The following PIN1 variants were observed in gnomAD, a reference collection of about 807,000 sequenced individuals.
The protein encoded by PIN1 is peptidylprolyl cis/trans isomerase, NIMA-interacting 1.
PIN1 carries 8 observed loss-of-function variants against 19.9 expected under a neutral mutation model. The ratio of observed to expected loss-of-function variants is 0.40; its 90% CI spans 0.24 to 0.72. PIN1 has a LOEUF of 0.72. Among genes scored for constraint, PIN1 ranks in the 30% least tolerant of loss-of-function variants. PIN1 has a pLI of 0.37. For synonymous variants in PIN1, 86 were observed against 90.8 expected, an observed-to-expected ratio of 0.95 and a Z score of 0.30; for missense variants, 185 against 226.5, an observed-to-expected ratio of 0.82 and a Z score of 1.18.
chr19:9,836,911 T>C, intron 1 of PIN1: 6 of 1,167,368 alleles, frequency 5.1e-6, no homozygotes, highest in Non-Finnish European at 6.8e-6. Context: ...ACAATAGAGA[T>C]AATAAAGGCT....
chr19:9,846,326 G>A lies in PIN1; in HGVS notation c.272-1704G>A, dbSNP rs1396201507. Among the ~76,000 whole-genome samples the A allele has an allele frequency of 2.0e-5, 3 of 152,288 alleles. No individual in the cohort carries two copies. The East Asian group carries it at 5.8e-4, about 29-fold the overall frequency. On this transcript the variant is annotated intron_variant, in intron 2 of 3. Transcript: ENST00000247970. The surrounding 1 kb of genome is among the most constrained non-coding windows in gnomAD (Gnocchi z 5.9). ...GCAGTAGAGGCTGCGTCATCCCTGGGATGCAGTCCCCATGGAGGGGAAGAA... is the reference window on the plus strand; with the variant it reads ...GCAGTAGAGGCTGCGTCATCCCTGGAATGCAGTCCCCATGGAGGGGAAGAA...
chr19:9,848,055 AGAG>A lies in PIN1; in HGVS notation c.303_305del (p.Glu101del). On this transcript the variant is annotated inframe_deletion, in exon 3 of 4. Coordinates refer to ENST00000247970, the MANE Select transcript of PIN1 (RefSeq NM_006221.4). ...GCTACATCCAGAAGATCAAGTCGGG[AGAG>A]GAGGACTTTGAGTCTCTGGCCTCAC... The A allele has an allele frequency of 6.2e-7, 1 of 1,612,210 alleles. No individual in the cohort carries two copies. Among genetic ancestry groups the A allele is most frequent in the South Asian group, 1.1e-5 (1 of 91,032 alleles).
Position 9,849,072 on chromosome 19 carries a change from G to C in PIN1, c.383-18G>C. 1.3e-6 allele frequency: 2 copies of C among 1,576,072 alleles called. No individual in the cohort carries two copies. The highest frequency in any genetic ancestry group is 1.7e-6 in the Non-Finnish European group (2 of 1,146,696). On this transcript the variant is annotated intron_variant, in intron 3 of 3. Coordinates refer to ENST00000247970, the MANE Select transcript of PIN1 (RefSeq NM_006221.4). ...CCAGCCCAGCCCTGACACCCCCACC[G>C]CCCCTCCTGGCTCCCAGGTCAGATG...
chr19:9,842,151 C>T (rs531334342), intron 2 of PIN1, among the ~76,000 whole-genome samples: 4 of 152,138 alleles, frequency 2.6e-5, no homozygotes, highest in African/African-American at 9.6e-5. Context: ...GAGCAAGAGG[C>T]GGTGTGACTT....
chr19:9,843,663 C>A (rs753943268), intron 2 of PIN1, among the ~76,000 whole-genome samples: 10 of 152,204 alleles, frequency 6.6e-5, no homozygotes, highest in South Asian at 2.1e-4. Flanking sequence ...GGCTTGTAGA[C>A]GGCTGCCCTC....
chr19:9,838,340 C>A lies in PIN1; in HGVS notation c.59-96C>A. On this transcript the variant is annotated intron_variant, in intron 1 of 3. Coordinates refer to ENST00000247970, the MANE Select transcript of PIN1 (RefSeq NM_006221.4). The surrounding 1 kb of genome is among the most constrained non-coding windows in gnomAD (Gnocchi z 5.8). ...TGGATTTGTTGAATGAAGGCGCCCCCTGCAAGCCAGGCCCTCACCCTGGCT... is the reference window on the plus strand; with the variant it reads ...TGGATTTGTTGAATGAAGGCGCCCCATGCAAGCCAGGCCCTCACCCTGGCT... The A allele has an allele frequency of 1.0e-6, 1 of 973,474 alleles. No individual in the cohort carries two copies. The highest frequency in any genetic ancestry group is 1.6e-6 in the Non-Finnish European group (1 of 621,374). The allele number at this position is 973,474 out of a possible 1,614,324, so 60.3% of individuals were successfully genotyped here. A position where few individuals can be genotyped will look rare whatever the true frequency, so the allele number is the denominator to read the frequency against.
At chr19:9,848,965 G>T in intron 3 of PIN1, 125 bp from the exon 4 acceptor site, 1 of 668,866 alleles carries the variant, frequency 1.5e-6, no homozygotes, top group East Asian at 2.7e-5. Context: ...TGACGGATGA[G>T]TGTGGACGAG....
At chr19:9,844,826 C>G (rs1014239256) in intron 2 of PIN1, among the ~76,000 whole-genome samples, 28 of 152,348 alleles carry the variant, frequency 1.8e-4, no homozygotes, top group Admixed American at 7.8e-4. Flanking sequence ...AGATCCCTGT[C>G]TCCCTCCTTC....
chr19:9,847,606 G>A (rs1240034968), intron 2 of PIN1, among the ~76,000 whole-genome samples: 1 of 152,212 alleles, frequency 6.6e-6, no homozygotes, highest in East Asian at 1.9e-4. Context: ...GGCCCGGGGG[G>A]CCAGCCCCCT....
intron 1 of PIN1, chr19:9,837,278 C>T (rs955172714): frequency 7.6e-5 from 13 of 170,912 alleles, no homozygotes; most frequent in East Asian, 5.1e-4. Context: ...CTCAGCCTCC[C>T]GAGTAGCTGG....
In PIN1 at chr19:9,848,019, C is replaced by G; in HGVS notation, c.272-11C>G. The G allele has an allele frequency of 1.3e-6, 2 of 1,575,616 alleles. No homozygotes were observed. The highest frequency in any genetic ancestry group is 1.7e-6 in the Non-Finnish European group (2 of 1,145,352). Reference sequence around the variant, plus strand: ...CTGACCTGGCACTCCCATTCCGTTCCATGTCCACAGGCTACATCCAGAAGA... The same window carrying G: ...CTGACCTGGCACTCCCATTCCGTTCGATGTCCACAGGCTACATCCAGAAGA... On this transcript the variant is annotated splice_polypyrimidine_tract_variant and intron_variant, in intron 2 of 3. Coordinates refer to ENST00000247970, the MANE Select transcript of PIN1 (RefSeq NM_006221.4).
chr19:9,836,223 A>C (rs1036245223), intron 1 of PIN1: 3 of 152,604 alleles, frequency 2.0e-5, no homozygotes, highest in African/African-American at 7.2e-5. Context: ...TCTAGAGCCC[A>C]TAGCAATCGC....
chr19:9,844,654 G>A (rs1207834404), intron 2 of PIN1, among the ~76,000 whole-genome samples: 1 of 152,204 alleles, frequency 6.6e-6, no homozygotes, highest in Non-Finnish European at 1.5e-5. Flanking sequence ...TGGGGCTCCA[G>A]CACCCGACAG....
At chr19:9,847,141 C>T (rs891592562) in intron 2 of PIN1, among the ~76,000 whole-genome samples, 1 of 152,152 alleles carries the variant, frequency 6.6e-6, no homozygotes, top group African/African-American at 2.4e-5. Context: ...ACTGCATACA[C>T]ACACTTGCTC....
chr19:9,838,550 C>G lies in PIN1; in HGVS notation c.173C>G (p.Ser58Trp). The G allele has an allele frequency of 6.3e-7, 1 of 1,585,174 alleles. No homozygotes were observed. Among genetic ancestry groups the G allele is most frequent in the South Asian group, 1.2e-5 (1 of 86,882 alleles). ...GQGEPARVRC[S>W]HLLVKHSQSR... ...GGGGAGCCTGCCAGGGTCCGCTGCTCGCACCTGCTGGTGAAGCACAGCCAG... is the reference window on the plus strand; with the variant it reads ...GGGGAGCCTGCCAGGGTCCGCTGCTGGCACCTGCTGGTGAAGCACAGCCAG... Residue 58 changes from serine (S) to tryptophan (W), a missense_variant, in exon 2 of 4, where the codon TCG becomes TGG. Coordinates refer to ENST00000247970, the MANE Select transcript of PIN1 (RefSeq NM_006221.4). The surrounding 1 kb of genome is among the most constrained non-coding windows in gnomAD (Gnocchi z 5.8).
intron 1 of PIN1, chr19:9,836,820 CAG>C: frequency 7.8e-7 from 1 of 1,286,770 alleles, no homozygotes; most frequent in Non-Finnish European, 1.0e-6. Flanking sequence ...GTGCCTGGAA[CAG>C]AGTAAACACT....
rs2046219669 is a variant in PIN1 at position 9,846,310 on chromosome 19, G to A, written c.272-1720G>A. 6.6e-6 allele frequency among the ~76,000 whole-genome samples: 1 copy of A among 152,220 alleles called. No individual in the cohort carries two copies. Among genetic ancestry groups the A allele is most frequent in the Non-Finnish European group, 1.5e-5 (1 of 68,046 alleles). On this transcript the variant is annotated intron_variant, in intron 2 of 3. Coordinates refer to ENST00000247970, the MANE Select transcript of PIN1 (RefSeq NM_006221.4). The surrounding 1 kb of genome is among the most constrained non-coding windows in gnomAD (Gnocchi z 5.9). ...GGATAGGGAGAGCAGAGCAGTAGAG[G>A]CTGCGTCATCCCTGGGATGCAGTCC... is the stretch of plus-strand genomic sequence containing the variant.
At chr19:9,847,096 G>A (rs1421809213) in intron 2 of PIN1, among the ~76,000 whole-genome samples, 5 of 152,092 alleles carry the variant, frequency 3.3e-5, no homozygotes, top group Non-Finnish European at 5.9e-5. Context: ...TCAGGAAGGC[G>A]GTAGCCATTC....
Position 9,849,673 on chromosome 19 carries a change from C to T in PIN1, c.*474C>T, listed in dbSNP as rs775438484. Reference sequence around the variant, plus strand: ...GCACCCTTTCACCCCCAATTAAACCCAGAACCACTGCTCTGCTCTCCTGTG... The same window carrying T: ...GCACCCTTTCACCCCCAATTAAACCTAGAACCACTGCTCTGCTCTCCTGTG... On this transcript the variant is annotated 3_prime_UTR_variant, in exon 4 of 4. Coordinates refer to ENST00000247970, the MANE Select transcript of PIN1 (RefSeq NM_006221.4). 2.0e-6 allele frequency: 1 copy of T among 509,256 alleles called. No homozygotes were observed. The highest frequency in any genetic ancestry group is 2.0e-5 in the Admixed American group (1 of 50,122). 31.5% of individuals were successfully genotyped at this position (509,256 alleles called of 1,614,324 possible).
Sources: gnomAD v4.1 joint callset for allele counts (sites outside exome capture counted in the v4.1 genomes callset) on GRCh38, gnomAD v4.1.1 for gene constraint, Gnocchi (gnomAD v3.1) non-coding constraint, MANE v1.5 for transcripts, NCBI Gene and HGNC (gene_info 2026-07-23, HGNC 2026-07-21) for gene names.